The following LAMA2 variants were observed in gnomAD, a reference collection of about 807,000 sequenced individuals.
LAMA2 encodes the protein laminin subunit alpha 2.
A neutral mutation model predicts 364.8 loss-of-function variants in LAMA2; 269 were observed. The ratio of observed to expected loss-of-function variants is 0.74; its 90% CI spans 0.67 to 0.82. The LOEUF is 0.82. Ranked by LOEUF, LAMA2 falls within the 40% of genes least tolerant of loss-of-function variation. LAMA2 has a pLI of 0.00. For missense variants in LAMA2, 3,807 were observed against 3,873.2 expected (o/e 0.98, Z 0.45); for synonymous variants, 1,379 against 1,370.6 (o/e 1.01, Z -0.14).
At chr6:129,009,737 T>A (rs1349964015) in intron 1 of LAMA2, among the ~76,000 whole-genome samples, 1 of 152,168 alleles carries the variant, frequency 6.6e-6, no homozygotes, top group Non-Finnish European at 1.5e-5. Context: ...GTTCTTTATA[T>A]ATACAAAATG....
At chr6:129,224,905 A>G (rs1583289257) in intron 12 of LAMA2, among the ~76,000 whole-genome samples, 1 of 152,304 alleles carries the variant, frequency 6.6e-6, no homozygotes, top group Admixed American at 6.5e-5. Flanking sequence ...TTCAGAAGGA[A>G]TGGTACCACC....
intron 4 of LAMA2, among the ~76,000 whole-genome samples, chr6:129,142,958 T>C (rs149202907): frequency 1.3e-4 from 20 of 152,142 alleles, no homozygotes; most frequent in African/African-American, 4.8e-4. Context: ...GTTGGTGCAT[T>C]TCTTTATTGA....
At chr6:128,933,369 T>C (rs537668928) in intron 1 of LAMA2, among the ~76,000 whole-genome samples, 47 of 152,294 alleles carry the variant, frequency 3.1e-4, no homozygotes, top group African/African-American at 1.1e-3. Context: ...ATGATGCTGC[T>C]ATGAACATGT....
chr6:129,149,293 C>A (rs911232698), intron 7 of LAMA2, among the ~76,000 whole-genome samples, 197 bp downstream of exon 7: 25 of 152,120 alleles, frequency 1.6e-4, no homozygotes, highest in African/African-American at 6.0e-4. Context: ...GACTTTATAG[C>A]CTAATAGTGA....
At chr6:129,197,265 G>A (rs1781906330) in intron 12 of LAMA2, among the ~76,000 whole-genome samples, 1 of 152,090 alleles carries the variant, frequency 6.6e-6, no homozygotes, top group Non-Finnish European at 1.5e-5. Flanking sequence ...GTCTTTTCTG[G>A]AGAGTCAGAT....
rs548342673 is a variant in LAMA2, at chr6:129,365,510, C to A, written c.4718-709C>A. Among the ~76,000 whole-genome samples the A allele has an allele frequency of 4.6e-5, 7 of 152,022 alleles. No individual in the cohort carries two copies. In the South Asian group the frequency reaches 1.5e-3, roughly 32 times the overall value. On this transcript the variant is annotated intron_variant, in intron 32 of 64. Coordinates refer to ENST00000421865, the MANE Select transcript of LAMA2 (RefSeq NM_000426.4). The stretch of plus-strand genomic sequence containing the variant: ...TCTGGGTAGCTGAGACTACAGGGGC[C>A]CGCCACCACGCCTGGCTAATTTTTG...
At chr6:129,153,596 T>C (rs892431719) in intron 7 of LAMA2, among the ~76,000 whole-genome samples, 2 of 152,218 alleles carry the variant, frequency 1.3e-5, no homozygotes, top group African/African-American at 4.8e-5. Flanking sequence ...TTAGAATATC[T>C]TTTACACGTT....
At chr6:129,333,426 C>T (rs1198810351) in intron 29 of LAMA2, among the ~76,000 whole-genome samples, 1 of 152,024 alleles carries the variant, frequency 6.6e-6, no homozygotes, top group African/African-American at 2.4e-5. Context: ...TTCCTAGCTT[C>T]TTAAAGATAT....
Position 129,516,226 on chromosome 6 carries a change from C to T in LAMA2, c.9248C>T (p.Pro3083Leu), listed in dbSNP as rs80082613. 6.8e-6 allele frequency: 11 copies of T among 1,614,088 alleles called. No individual in the cohort carries two copies. Among genetic ancestry groups the T allele is most frequent in the East Asian group, 4.5e-5 (2 of 44,872 alleles). ...CAGTTTGGCCTAACAACCAGTATTC[C>T]GTTCCGAGGTTGCATCAGATCCCTG... ...LKQFGLTTSI[P>L]FRGCIRSLKL... The change falls in exon 65 of 65, where the codon CCG becomes CTG. Residue 3083 changes from proline (P) to leucine (L), a missense_variant. Pro to Leu is a moderately conservative substitution (Grantham distance 98, BLOSUM62 -3). Around this residue, in one of 3 missense-constraint regions of LAMA2, gnomAD observed 3,333 missense variants for 3,345.7 expected, o/e 1.00. Coordinates refer to ENST00000421865, the MANE Select transcript of LAMA2 (RefSeq NM_000426.4).
chr6:128,927,475 G>A (rs532642761), intron 1 of LAMA2, among the ~76,000 whole-genome samples: 3 of 152,120 alleles, frequency 2.0e-5, no homozygotes, highest in Admixed American at 1.3e-4. Context: ...AGTAAGCTCC[G>A]TCTCTAACTT....
chr6:128,923,723 C>G (rs1778899508), intron 1 of LAMA2, among the ~76,000 whole-genome samples: 1 of 152,124 alleles, frequency 6.6e-6, no homozygotes, highest in Non-Finnish European at 1.5e-5. Flanking sequence ...CTGATTGATG[C>G]TAAGCCATGC....
At chr6:128,967,403 CA>C (rs1781911121) in intron 1 of LAMA2, among the ~76,000 whole-genome samples, 1 of 152,136 alleles carries the variant, frequency 6.6e-6, no homozygotes, top group Non-Finnish European at 1.5e-5. Flanking sequence ...ATTTATTGAG[CA>C]AAATATTTGT....
chr6:128,981,549 C>T (rs1782874644), intron 1 of LAMA2, among the ~76,000 whole-genome samples: 2 of 146,626 alleles, frequency 1.4e-5, no homozygotes, highest in Non-Finnish European at 3.0e-5. Context: ...TCGAGACCAG[C>T]CTGGGCAATA....
intron 51 of LAMA2, among the ~76,000 whole-genome samples, chr6:129,472,329 T>G (rs1044302907): frequency 6.6e-6 from 1 of 151,936 alleles, no homozygotes; most frequent in African/African-American, 2.4e-5. Context: ...ATCTATCATC[T>G]TACGGGACTG....
chr6:128,930,475 A>T (rs1779399548), intron 1 of LAMA2, among the ~76,000 whole-genome samples: 1 of 152,166 alleles, frequency 6.6e-6, no homozygotes, highest in South Asian at 2.1e-4. Context: ...GCCAGTGCAT[A>T]ATTCGCCATG....
chr6:129,514,494 T>C lies in LAMA2; in HGVS notation c.9110T>C (p.Ile3037Thr), dbSNP rs769036787. 3.1e-6 allele frequency: 5 copies of C among 1,613,992 alleles called. No homozygotes were observed. The highest frequency in any genetic ancestry group is 2.2e-5 in the East Asian group (1 of 44,878). ...KVTANKIKHR[I>T]ELTVDGNQVE... The stretch of plus-strand genomic sequence containing the variant: ...ACTGCCAACAAGATCAAACACCGCA[T>C]TGAGCTCACAGTCGATGGGAACCAG... The change falls in exon 64 of 65, where the codon ATT becomes ACT. Residue 3037 changes from isoleucine (I) to threonine (T), a missense_variant. Physicochemically the swap from Ile to Thr is moderately conservative, Grantham distance 89. Around this residue, in one of 3 missense-constraint regions of LAMA2, gnomAD observed 3,333 missense variants for 3,345.7 expected, o/e 1.00. Coordinates refer to ENST00000421865, the MANE Select transcript of LAMA2 (RefSeq NM_000426.4).
At chr6:129,497,149 TA>T (rs1785249801) in intron 58 of LAMA2, among the ~76,000 whole-genome samples, 1 of 152,352 alleles carries the variant, frequency 6.6e-6, no homozygotes, top group East Asian at 1.9e-4. Context: ...ATTGGTTTGA[TA>T]TGTAATGATG....
chr6:129,393,165 T>A lies in LAMA2; in HGVS notation c.5355T>A (p.Asp1785Glu). 6.2e-7 allele frequency: 1 copy of A among 1,614,084 alleles called. No homozygotes were observed. The highest frequency in any genetic ancestry group is 1.3e-5 in the African/African-American group (1 of 75,036). ...KLADYKNKVDDAWDLLREATD... is the reference protein window; with the variant it reads ...KLADYKNKVDEAWDLLREATD... The stretch of plus-strand genomic sequence containing the variant: ...CTGACTACAAAAACAAAGTTGATGA[T>A]GCTTGGGACCTTTTGAGAGAAGCCA... Residue 1785 changes from aspartate to glutamate, a missense_variant, in exon 37 of 65, where the codon GAT becomes GAA. This residue lies in a region of LAMA2 where 3,333 missense variants were observed against 3,345.7 expected (regional missense o/e 1.00). Coordinates refer to ENST00000421865, the MANE Select transcript of LAMA2 (RefSeq NM_000426.4).
At chr6:129,158,770 C>G in intron 8 of LAMA2, 1 of 1,614,188 alleles carries the variant, frequency 6.2e-7, no homozygotes, top group Non-Finnish European at 8.5e-7. Flanking sequence ...TCCGGCGTAG[C>G]TGGGCTTTTG....
Sources: gnomAD v4.1 joint callset for allele counts (sites outside exome capture counted in the v4.1 genomes callset) on GRCh38, gnomAD v4.1.1 for gene constraint, gnomAD v4.1.1 regional missense constraint, MANE v1.5 for transcripts, NCBI Gene and HGNC (gene_info 2026-07-23, HGNC 2026-07-21) for gene names.